The following FAM168A variants were observed in gnomAD, a reference collection of about 807,000 sequenced individuals.
FAM168A encodes the protein protein FAM168A.
FAM168A carries 3 observed loss-of-function variants against 28.5 expected under a neutral mutation model. That is an observed-to-expected ratio of 0.11 (90% CI 0.05 to 0.27). FAM168A has a LOEUF of 0.27. Among genes scored for constraint, FAM168A ranks in the 10% least tolerant of loss-of-function variants. The pLI is 1.00. For synonymous variants in FAM168A, 122 were observed against 124.2 expected (o/e 0.98, Z 0.12); for missense variants, 222 against 311.5 (o/e 0.71, Z 2.16).
chr11:73,439,569 A>G (rs1358442601), intron 2 of FAM168A, among the ~76,000 whole-genome samples: 1 of 152,214 alleles, frequency 6.6e-6, no homozygotes, highest in Admixed American at 6.5e-5. Context: ...TAAGGCCAAG[A>G]GTGTGCTGTT....
At chr11:73,521,471 C>CA (rs773882762) in intron 1 of FAM168A, among the ~76,000 whole-genome samples, 1 of 151,248 alleles carries the variant, frequency 6.6e-6, no homozygotes, top group South Asian at 2.1e-4. Context: ...AAAAAAAAAA[C>CA]AAAAAAAGAA....
At chr11:73,485,666 G>C (rs549266272) in intron 1 of FAM168A, among the ~76,000 whole-genome samples, 2 of 151,798 alleles carry the variant, frequency 1.3e-5, no homozygotes, top group Non-Finnish European at 2.9e-5. Context: ...ATTTTATTAC[G>C]TGTATTTTAA....
At chr11:73,480,535 T>C (rs76572211) in intron 1 of FAM168A, among the ~76,000 whole-genome samples, 197 of 152,306 alleles carry the variant, frequency 1.3e-3, no homozygotes, top group African/African-American at 4.5e-3. Context: ...GGGAAATAGT[T>C]GTATTTAAGA....
chr11:73,589,213 T>G (rs186233455), intron 1 of FAM168A, among the ~76,000 whole-genome samples: 1 of 152,118 alleles, frequency 6.6e-6, no homozygotes, highest in East Asian at 1.9e-4. Flanking sequence ...GGGTAAAAGA[T>G]CTAACAAAGT....
intron 2 of FAM168A, among the ~76,000 whole-genome samples, chr11:73,463,541 G>T (rs1867685968): frequency 6.6e-6 from 1 of 152,190 alleles, no homozygotes; most frequent in Admixed American, 6.5e-5. Context: ...CTGAAGCTCA[G>T]AAGAATGGTT....
intron 3 of FAM168A, 80 bp downstream of exon 3, chr11:73,430,610 G>T: frequency 2.3e-6 from 3 of 1,311,696 alleles, no homozygotes; most frequent in Non-Finnish European, 2.2e-6. Context: ...ACAGGAAAAG[G>T]CCAGCAAGTG....
chr11:73,547,406 G>A (rs1336340159), intron 1 of FAM168A, among the ~76,000 whole-genome samples: 1 of 151,990 alleles, frequency 6.6e-6, no homozygotes, highest in Non-Finnish European at 1.5e-5. Context: ...GCTGTTGGTG[G>A]GAACATAAAA....
chr11:73,531,291 T>C (rs1247931922), intron 1 of FAM168A, among the ~76,000 whole-genome samples: 5 of 152,240 alleles, frequency 3.3e-5, no homozygotes, highest in Admixed American at 6.5e-5. Flanking sequence ...ACTCTGGGCA[T>C]AACCAGAAAT....
intron 1 of FAM168A, among the ~76,000 whole-genome samples, chr11:73,501,301 C>T (rs1049344257): frequency 1.3e-5 from 2 of 152,190 alleles, no homozygotes; most frequent in Non-Finnish European, 2.9e-5. Flanking sequence ...AGAAAATTAA[C>T]AAGGATATTC....
In FAM168A at chr11:73,409,534, C is replaced by T. The variant is rs769099169; in HGVS notation, c.548G>A (p.Gly183Asp). The T allele has an allele frequency of 2.5e-6, 4 of 1,614,044 alleles. No individual in the cohort carries two copies. The highest frequency in any genetic ancestry group is 1.1e-5 in the South Asian group (1 of 91,032). ...PAPVAAPRTN[G>D]VAMGMVAGTT... ...GCCTGCCACCATGCCCATGGCCACA[C>T]CGTTGGTCCTCGGGGCGGCAACAGG... Residue 183 changes from glycine to aspartate, a missense_variant, in exon 6 of 8, where the codon GGT (glycine) becomes GAT (aspartate). Physicochemically the swap from Gly to Asp is moderately conservative, Grantham distance 94. This residue lies in a region of FAM168A where 64 missense variants were observed against 94.6 expected (regional missense o/e 0.68). Transcript: ENST00000356467.
intron 1 of FAM168A, among the ~76,000 whole-genome samples, chr11:73,590,617 C>T (rs1195417791): frequency 6.6e-6 from 1 of 152,012 alleles, no homozygotes; most frequent in African/African-American, 2.4e-5. Flanking sequence ...TTTCTTGATC[C>T]GAATGCTGGT....
intron 2 of FAM168A, among the ~76,000 whole-genome samples, chr11:73,455,358 G>T (rs1269836845): frequency 2.0e-5 from 3 of 152,224 alleles, no homozygotes; most frequent in African/African-American, 7.2e-5. Flanking sequence ...GACAAGGGTG[G>T]ACTGAGTAAA....
chr11:73,465,895 G>C (rs750345277), intron 2 of FAM168A, among the ~76,000 whole-genome samples: 1 of 151,966 alleles, frequency 6.6e-6, no homozygotes, highest in Non-Finnish European at 1.5e-5. Flanking sequence ...GTAAAAATAG[G>C]TATTTTCTGT....
At chr11:73,570,173 T>C (rs1218072188) in intron 1 of FAM168A, among the ~76,000 whole-genome samples, 5 of 152,208 alleles carry the variant, frequency 3.3e-5, no homozygotes, top group African/African-American at 1.2e-4. Context: ...ATCAGATTGC[T>C]TGGGTTCTAA....
chr11:73,416,000 G>GGCTCACCCTGCCCTAGGCAGA (rs1435221331), intron 4 of FAM168A, among the ~76,000 whole-genome samples: 3 of 152,180 alleles, frequency 2.0e-5, no homozygotes, highest in Non-Finnish European at 2.9e-5. Flanking sequence ...CAAAGTTCAG[G>GGCTCACCCTGCCCTAGGCAGA]GCTCACCCTG....
chr11:73,448,043 T>TTTTGTTTG (rs112310065), intron 2 of FAM168A, among the ~76,000 whole-genome samples: 2 of 152,002 alleles, frequency 1.3e-5, no homozygotes, highest in African/African-American at 4.8e-5. Flanking sequence ...TCAAGTTACT[T>TTTTGTTTG]TTTGTTTGTT....
At chr11:73,479,516 T>C (rs535665917) in intron 1 of FAM168A, among the ~76,000 whole-genome samples, 5 of 152,238 alleles carry the variant, frequency 3.3e-5, no homozygotes, top group South Asian at 2.1e-4. Flanking sequence ...TTGGGAAGGT[T>C]TGAGCATGCA....
At chr11:73,434,051 G>A (rs531844308) in intron 2 of FAM168A, among the ~76,000 whole-genome samples, 5 of 152,118 alleles carry the variant, frequency 3.3e-5, no homozygotes, top group African/African-American at 9.6e-5. Context: ...TCACCATGTT[G>A]GCCAGGATGG....
intron 4 of FAM168A, among the ~76,000 whole-genome samples, chr11:73,418,284 T>C (rs1254333576): frequency 2.0e-5 from 3 of 152,212 alleles, no homozygotes; most frequent in Non-Finnish European, 4.4e-5. Flanking sequence ...TCCCTCATGA[T>C]GGCTTAGCAC....
Sources: allele counts gnomAD v4.1 joint callset (sites outside exome capture counted in the v4.1 genomes callset), GRCh38; gene constraint gnomAD v4.1.1; regional missense constraint gnomAD v4.1.1; transcripts MANE v1.5; gene names NCBI Gene and HGNC (gene_info 2026-07-23, HGNC 2026-07-21).